The following GABRA2 variants were observed in gnomAD, a reference collection of about 807,000 sequenced individuals.
The protein encoded by GABRA2 is gamma-aminobutyric acid type A receptor subunit alpha2.
In GABRA2, 16 loss-of-function variants were observed where a neutral mutation model predicts 48.7. The observed-to-expected ratio is 0.33, with a 90% CI of 0.22 to 0.50. The LOEUF (loss-of-function observed/expected upper bound fraction) is 0.50. GABRA2 is among the 20% of genes least tolerant of loss of function. GABRA2 has a pLI of 0.98. For missense variants in GABRA2, 275 were observed against 535.6 expected (o/e 0.51, Z 4.80); for synonymous variants, 185 against 184.5 (o/e 1.00, Z -0.02).
In GABRA2 at chr4:46,246,111, G is replaced by C. The variant is rs1713671092; in HGVS notation, c.*4197C>G. ...TTTAGTTATGATGCTTACTATGATA[G>C]AATAACGACTCTTAAAATATTTGTG... On this transcript the variant is annotated 3_prime_UTR_variant, in exon 10 of 10. Transcript: ENST00000381620. 6.6e-6 allele frequency among the ~76,000 whole-genome samples: 1 copy of C among 150,690 alleles called. No individual in the cohort carries two copies. The highest frequency in any genetic ancestry group is 2.0e-4 in the East Asian group (1 of 5,068).
chr4:46,305,579 T>G lies in GABRA2; in HGVS notation c.692A>C (p.Lys231Thr), dbSNP rs1726542609. Residue 231 changes from lysine (K) to threonine (T), a missense_variant, in exon 7 of 10, where the codon AAA (lysine) becomes ACA (threonine). Coordinates refer to ENST00000381620, the MANE Select transcript of GABRA2 (RefSeq NM_000807.4). ...CTAATTTTACTAACCTGTACTGGATTTAATTGTCTCCTTTCCGATTGATTG... is the reference window on the plus strand; with the variant it reads ...CTAATTTTACTAACCTGTACTGGATGTAATTGTCTCCTTTCCGATTGATTG... Reference protein sequence around the residue: ...LGQSIGKETIKSSTGEYTVMT... With the variant: ...LGQSIGKETITSSTGEYTVMT... 4 of 1,613,698 alleles carry G rather than the reference T, an allele frequency of 2.5e-6. No homozygotes were observed. The African/African-American group carries it at 5.3e-5, about 22-fold the overall frequency.
intron 8 of GABRA2, among the ~76,000 whole-genome samples, chr4:46,262,975 A>G (rs191351933): frequency 0.031 from 4,312 of 138,892 alleles, 104 homozygotes; most frequent in African/African-American, 0.061. Context: ...AGAGAGAGAG[A>G]GAGGGAGGGA....
intron 8 of GABRA2, among the ~76,000 whole-genome samples, chr4:46,277,045 C>G (rs913380691): frequency 6.6e-6 from 1 of 151,852 alleles, no homozygotes; most frequent in African/African-American, 2.4e-5. Flanking sequence ...CTTTTAATTC[C>G]CCCCTATGTC....
At chr4:46,372,672 TTC>T (rs1183235617) in intron 3 of GABRA2, among the ~76,000 whole-genome samples, 2 of 152,190 alleles carry the variant, frequency 1.3e-5, no homozygotes, top group African/African-American at 4.8e-5. Flanking sequence ...ATGATAATTC[TTC>T]TCTTACCTAT....
intron 8 of GABRA2, among the ~76,000 whole-genome samples, chr4:46,299,613 G>C (rs1428035299): frequency 6.6e-6 from 1 of 151,106 alleles, no homozygotes; most frequent in Admixed American, 6.6e-5. Flanking sequence ...TTTGGAAAGA[G>C]GAAAGTACCA....
At chr4:46,375,174 G>C (rs1715506161) in intron 3 of GABRA2, among the ~76,000 whole-genome samples, 2 of 152,176 alleles carry the variant, frequency 1.3e-5, no homozygotes, top group Non-Finnish European at 2.9e-5. Context: ...GAAGGGATCT[G>C]TATCTGATGA....
chr4:46,311,531 T>C, intron 5 of GABRA2, among the ~76,000 whole-genome samples: 1 of 152,218 alleles, frequency 6.6e-6, no homozygotes, highest in East Asian at 1.9e-4. Context: ...TACAAGTAAC[T>C]TATTTTACAA....
At chr4:46,308,428 G>A (rs1727078630) in intron 6 of GABRA2, among the ~76,000 whole-genome samples, 1 of 152,134 alleles carries the variant, frequency 6.6e-6, no homozygotes, top group African/African-American at 2.4e-5. Context: ...GAATAAATGA[G>A]TAGAAGAAAA....
At chr4:46,362,891 A>G (rs1713436242) in intron 3 of GABRA2, among the ~76,000 whole-genome samples, 1 of 152,234 alleles carries the variant, frequency 6.6e-6, no homozygotes, top group Non-Finnish European at 1.5e-5. Flanking sequence ...GCCAAGTGCC[A>G]TAGAGATAAA....
rs1734608307 is a variant in GABRA2, at chr4:46,348,774, G to T, written c.188-16092C>A. On this transcript the variant is annotated intron_variant, in intron 3 of 9. Coordinates refer to ENST00000381620, the MANE Select transcript of GABRA2 (RefSeq NM_000807.4). ...GGAACATCACACTCCGGGGACTGTTGTGGGGTGGGGGGAGGGGGGAGGGAT... is the reference window on the plus strand; with the variant it reads ...GGAACATCACACTCCGGGGACTGTTTTGGGGTGGGGGGAGGGGGGAGGGAT... 2.5e-5 allele frequency among the ~76,000 whole-genome samples: 3 copies of T among 121,104 alleles called. No homozygotes were observed. The South Asian group carries it at 9.4e-4, about 38-fold the overall frequency. 79.4% of individuals were successfully genotyped at this position (121,104 alleles called of 152,430 possible). A position where few individuals can be genotyped will look rare whatever the true frequency, so the allele number is the denominator to read the frequency against.
At chr4:46,384,544 G>A (rs533124734) in intron 3 of GABRA2, among the ~76,000 whole-genome samples, 12 of 152,062 alleles carry the variant, frequency 7.9e-5, no homozygotes, top group African/African-American at 2.4e-4. Context: ...AATATTCCTC[G>A]TAAAAATTCA....
At chr4:46,303,658 T>C in intron 7 of GABRA2, 46 bp from the exon 8 acceptor site, 1 of 1,554,380 alleles carries the variant, frequency 6.4e-7, no homozygotes, top group East Asian at 2.3e-5. Flanking sequence ...GTCAATACTT[T>C]GAACATTTAG....
chr4:46,385,217 G>T (rs143777615), intron 3 of GABRA2, among the ~76,000 whole-genome samples: 1 of 151,030 alleles, frequency 6.6e-6, no homozygotes, highest in African/African-American at 2.4e-5. Context: ...CACCAAACCC[G>T]GCAATAACCA....
intron 3 of GABRA2, among the ~76,000 whole-genome samples, chr4:46,352,946 G>T (rs763285928): frequency 6.6e-6 from 1 of 152,026 alleles, no homozygotes; most frequent in South Asian, 2.1e-4. Context: ...ATGCCTTACT[G>T]TTTTCTCTCA....
intron 4 of GABRA2, among the ~76,000 whole-genome samples, chr4:46,321,677 G>C (rs11941602): frequency 0.054 from 8,158 of 152,036 alleles, 743 homozygotes; most frequent in African/African-American, 0.19. Context: ...AAAAATAGAA[G>C]TTACTTCCTA....
At chr4:46,262,221 C>T in intron 8 of GABRA2, 93 bp from the exon 9 acceptor site, 1 of 815,590 alleles carries the variant, frequency 1.2e-6, no homozygotes, top group South Asian at 1.6e-5. Flanking sequence ...GCCCCCAAAG[C>T]TTTTACTACT....
intron 3 of GABRA2, chr4:46,367,158 T>C (rs1714163289): frequency 6.6e-6 from 1 of 152,122 alleles, no homozygotes; most frequent in South Asian, 2.1e-4. Context: ...CATCTATCAA[T>C]CAACATTGTT....
chr4:46,316,252 G>A (rs1728536324), intron 4 of GABRA2, among the ~76,000 whole-genome samples: 1 of 151,988 alleles, frequency 6.6e-6, no homozygotes, highest in Non-Finnish European at 1.5e-5. Flanking sequence ...AAAGGTATAA[G>A]AAGAGTTACT....
intron 3 of GABRA2, among the ~76,000 whole-genome samples, chr4:46,334,706 A>G (rs951310348): frequency 4.6e-5 from 7 of 152,190 alleles, no homozygotes; most frequent in African/African-American, 9.6e-5. Flanking sequence ...AAATAAGGTT[A>G]GCCTCAAAAC....
Sources: gnomAD v4.1 joint callset for allele counts (sites outside exome capture counted in the v4.1 genomes callset) on GRCh38, gnomAD v4.1.1 for gene constraint, MANE v1.5 for transcripts, NCBI Gene and HGNC (gene_info 2026-07-23, HGNC 2026-07-21) for gene names.